MROH1: variants seen among roughly 807,000 people sequenced by gnomAD.
The protein encoded by MROH1 is maestro heat-like repeat-containing protein family member 1.
Under a neutral mutation model 116.5 loss-of-function variants are expected in MROH1, and 117 were observed. That is an observed-to-expected ratio of 1.00 (90% CI 0.86 to 1.17). The LOEUF (loss-of-function observed/expected upper bound fraction) is 1.17. Ranked by LOEUF, MROH1 falls within the 50% of genes most tolerant of loss-of-function variation. The pLI is 0.00. For synonymous variants in MROH1, 921 were observed against 583.9 expected (o/e 1.58, Z -8.32); for missense variants, 1,873 against 1,338.5 (o/e 1.40, Z -6.23).
intron 12 of MROH1, among the ~76,000 whole-genome samples, chr8:144,210,411 G>T (rs984155731): frequency 6.6e-6 from 1 of 152,088 alleles, no homozygotes; most frequent in South Asian, 2.1e-4. Flanking sequence ...GCATAAACAG[G>T]CCCTGTGCGG....
At chr8:144,210,416 G>T (rs909999979) in intron 12 of MROH1, among the ~76,000 whole-genome samples, 1 of 152,100 alleles carries the variant, frequency 6.6e-6, no homozygotes, top group South Asian at 2.1e-4. Context: ...AACAGGCCCT[G>T]TGCGGTGGCT....
intron 4 of MROH1, among the ~76,000 whole-genome samples, chr8:144,177,967 C>CTTTT (rs61011280): frequency 2.1e-5 from 3 of 143,832 alleles, no homozygotes; most frequent in Non-Finnish European, 4.5e-5. Context: ...ATTTCTTCTT[C>CTTTT]TTTTTTTTTT....
chr8:144,205,964 C>A (rs571499324), intron 12 of MROH1, among the ~76,000 whole-genome samples: 2 of 152,156 alleles, frequency 1.3e-5, no homozygotes, highest in Admixed American at 6.6e-5. Flanking sequence ...CCACTCAAAT[C>A]AAAATGTGGA....
intron 12 of MROH1, chr8:144,214,290 C>G (rs1479511755): frequency 1.3e-5 from 2 of 152,304 alleles, no homozygotes; most frequent in African/African-American, 4.8e-5. Flanking sequence ...TGCAGCACCC[C>G]CATGAATATG....
chr8:144,188,822 C>T (rs148003418), intron 7 of MROH1, among the ~76,000 whole-genome samples: 43 of 152,198 alleles, frequency 2.8e-4, no homozygotes, highest in African/African-American at 9.6e-4. Context: ...ATAACTCGTC[C>T]CAGGCCATAC....
At chr8:144,178,730 C>T (rs1398101319) in intron 4 of MROH1, among the ~76,000 whole-genome samples, 14 of 151,948 alleles carry the variant, frequency 9.2e-5, no homozygotes, top group Admixed American at 9.2e-4. Context: ...GGGCTGTCAA[C>T]ACAGGGTGGC....
chr8:144,261,409 G>A, intron 43 of MROH1, 60 bp downstream of exon 43: 2 of 700,350 alleles, frequency 2.9e-6, no homozygotes, highest in South Asian at 3.0e-5. Context: ...GGCACCCGCA[G>A]GGACTAAGTG....
intron 1 of MROH1, among the ~76,000 whole-genome samples, chr8:144,152,157 TAATAA>T (rs1243420246): frequency 2.2e-4 from 34 of 152,298 alleles, no homozygotes; most frequent in Admixed American, 1.1e-3. Flanking sequence ...CAGCAATGAA[TAATAA>T]AATAGAACAG....
chr8:144,170,448 G>A (rs751812137), intron 4 of MROH1, among the ~76,000 whole-genome samples: 22 of 152,088 alleles, frequency 1.4e-4, no homozygotes, highest in Non-Finnish European at 2.9e-4. Context: ...CTCTTCTGTC[G>A]TCTCCTCCTG....
rs767478378 is a variant in MROH1, at chr8:144,223,235, G to A, written c.1338+5G>A. 2.3e-5 allele frequency: 36 copies of A among 1,595,698 alleles called. No homozygotes were observed. The highest frequency in any genetic ancestry group is 5.3e-5 in the Admixed American group (3 of 56,958). On this transcript the variant is annotated splice_donor_5th_base_variant and intron_variant, in intron 14 of 43. Coordinates refer to ENST00000326134, the MANE Select transcript of MROH1 (RefSeq NM_032450.3). The stretch of plus-strand genomic sequence containing the variant: ...GCGCTGCCCCCCGAGCAGGAGGTAA[G>A]GGGCTGCCACCTTGCCTGCCTCCTA...
intron 4 of MROH1, among the ~76,000 whole-genome samples, chr8:144,176,407 G>A (rs1348347889): frequency 1.3e-5 from 2 of 150,926 alleles, no homozygotes; most frequent in Non-Finnish European, 3.0e-5. Context: ...GTGGTGGTGT[G>A]TGCCTGTAGT....
intron 1 of MROH1, among the ~76,000 whole-genome samples, chr8:144,153,581 A>G (rs1034918627): frequency 6.6e-6 from 1 of 152,090 alleles, no homozygotes; most frequent in Non-Finnish European, 1.5e-5. Flanking sequence ...CTTTAAATAT[A>G]TGCCACATTT....
chr8:144,225,812 G>A (rs552106211), intron 14 of MROH1, among the ~76,000 whole-genome samples: 24 of 149,544 alleles, frequency 1.6e-4, no homozygotes, highest in Middle Eastern at 3.8e-3. Flanking sequence ...TGCCTGCCCC[G>A]GCCTCCCAAA....
chr8:144,191,583 C>T (rs969196382), intron 8 of MROH1, 132 bp from the exon 9 acceptor site: 3 of 1,233,912 alleles, frequency 2.4e-6, no homozygotes, highest in East Asian at 2.6e-5. Flanking sequence ...GCTAGGCTCA[C>T]GTCCCAGCCC....
intron 14 of MROH1, among the ~76,000 whole-genome samples, chr8:144,235,511 ACCACCTTCTAGT>A (rs1160894055): frequency 5.3e-4 from 81 of 152,286 alleles, no homozygotes; most frequent in Non-Finnish European, 8.2e-4. Flanking sequence ...GGTCACAGGT[ACCACCTTCTAGT>A]CCTGCTTTGC....
intron 12 of MROH1, among the ~76,000 whole-genome samples, chr8:144,219,312 G>C (rs139851864): frequency 7.2e-5 from 11 of 151,954 alleles, no homozygotes. Context: ...GTGAGCCACC[G>C]CGCCCGACCA....
At chr8:144,232,764 A>G (rs1009772367) in intron 14 of MROH1, among the ~76,000 whole-genome samples, 15 of 151,810 alleles carry the variant, frequency 9.9e-5, no homozygotes, top group African/African-American at 3.6e-4. Flanking sequence ...AAGTGCTGGG[A>G]TTACAGGCGT....
intron 22 of MROH1, among the ~76,000 whole-genome samples, chr8:144,242,040 A>T (rs984689536): frequency 8.1e-4 from 124 of 152,290 alleles, no homozygotes; most frequent in Middle Eastern, 6.8e-3. Flanking sequence ...TGGGGCCTTG[A>T]GCTCTTCTCA....
At position 144,255,565 on chromosome 8, in the gene MROH1, C is replaced by T. The variant is rs1009585058; in HGVS notation, c.3651C>T (p.Leu1217=). 2.7e-4 allele frequency: 212 copies of T among 779,396 alleles called. 2 individuals are homozygous for T. The highest frequency in any genetic ancestry group is 1.1e-3 in the East Asian group (44 of 41,246). 48.3% of individuals were successfully genotyped at this position (779,396 alleles called of 1,614,324 possible). ...CGCCTGCAGCGGGGCCCGCGGTGCTCGAGCTCTACCCCCAGCTGTTTGTGG... is the reference window on the plus strand; with the variant it reads ...CGCCTGCAGCGGGGCCCGCGGTGCTTGAGCTCTACCCCCAGCTGTTTGTGG... ...MSTPAAGPAV[L]ELYPQLFVVL... is the part of the protein sequence containing the mutation. Residue 1217 remains leucine (L), a synonymous_variant, in exon 35 of 44, where the codon CTC becomes CTT. Coordinates refer to ENST00000326134, the MANE Select transcript of MROH1 (RefSeq NM_032450.3).
Sources: gnomAD v4.1 joint callset for allele counts (sites outside exome capture counted in the v4.1 genomes callset) on GRCh38, gnomAD v4.1.1 for gene constraint, MANE v1.5 for transcripts, NCBI Gene and HGNC (gene_info 2026-07-23, HGNC 2026-07-21) for gene names.